Variants in NEURL1 observed in about 807,000 individuals in gnomAD.
The protein encoded by NEURL1 is neuralized E3 ubiquitin protein ligase 1, also known as E3 ubiquitin-protein ligase NEURL1.
NEURL1 carries 26 observed loss-of-function variants against 41.2 expected under a neutral mutation model. That is an observed-to-expected ratio of 0.63 (90% confidence interval 0.46 to 0.87). The LOEUF (loss-of-function observed/expected upper bound fraction) is 0.87. NEURL1 is among the 40% of genes least tolerant of loss of function. NEURL1 has a pLI of 0.00. For missense variants in NEURL1, 761 were observed against 871.1 expected, an observed-to-expected ratio of 0.87 and a Z score of 1.59; for synonymous variants, 400 against 402.3, an observed-to-expected ratio of 0.99 and a Z score of 0.07.
chr10:103,500,879 A>G (rs2033807504), intron 1 of NEURL1, among the ~76,000 whole-genome samples: 1 of 152,166 alleles, frequency 6.6e-6, no homozygotes, highest in African/African-American at 2.4e-5. Context: ...AGGGTCCTCA[A>G]GATCTGAGAA....
intron 1 of NEURL1, among the ~76,000 whole-genome samples, chr10:103,548,718 C>T (rs766172984): frequency 3.3e-5 from 5 of 152,198 alleles, no homozygotes; most frequent in Admixed American, 6.5e-5. Flanking sequence ...CGTGGATTCC[C>T]GAGTTCTCTG....
intron 3 of NEURL1, among the ~76,000 whole-genome samples, chr10:103,573,595 C>T (rs1431017305): frequency 3.3e-5 from 5 of 152,250 alleles, no homozygotes; most frequent in South Asian, 2.1e-4. Context: ...GGAGTCCCAG[C>T]GCTTGAGTTT....
rs899916272 is a variant in NEURL1 at position 103,590,549 on chromosome 10, G to A, written c.*177G>A. The A allele has an allele frequency of 9.4e-5, 57 of 607,462 alleles. No homozygotes were observed. Among genetic ancestry groups the A allele is most frequent in the African/African-American group, 7.8e-4 (42 of 54,094 alleles). The allele number at this position is 607,462 out of a possible 1,614,324, so 37.6% of individuals were successfully genotyped here. ...GGGAGAGGGGGGTATCAGGCAGGGAGGGGGCAGAGGCAAATCACCGGGCAG... is the reference window on the plus strand; with the variant it reads ...GGGAGAGGGGGGTATCAGGCAGGGAAGGGGCAGAGGCAAATCACCGGGCAG... On this transcript the variant is annotated 3_prime_UTR_variant, in exon 6 of 6. Coordinates refer to ENST00000369780, the MANE Select transcript of NEURL1 (RefSeq NM_004210.5).
At chr10:103,504,346 T>C (rs1564803216) in intron 1 of NEURL1, among the ~76,000 whole-genome samples, 2 of 152,172 alleles carry the variant, frequency 1.3e-5, no homozygotes, top group Non-Finnish European at 2.9e-5. Context: ...TCTCACACTT[T>C]CCTTGCTTTT....
At chr10:103,553,144 T>C (rs1288947957) in intron 1 of NEURL1, among the ~76,000 whole-genome samples, 1 of 152,132 alleles carries the variant, frequency 6.6e-6, no homozygotes, top group African/African-American at 2.4e-5. Flanking sequence ...AGGAACAGCC[T>C]CCAAAGCATC....
chr10:103,588,835 A>G lies in NEURL1; in HGVS notation c.1340-679A>G, dbSNP rs1382588216. On this transcript the variant is annotated intron_variant, in intron 4 of 5. Coordinates refer to ENST00000369780, the MANE Select transcript of NEURL1 (RefSeq NM_004210.5). The stretch of plus-strand genomic sequence containing the variant: ...GTGGCATGTGCCTATGATCCCAACT[A>G]CTCAGGAGGCTGAGGCAGGAGAATC... The G allele has an allele frequency of 1.1e-5, 5 of 447,502 alleles. No homozygotes were observed. In the Admixed American group the frequency reaches 1.2e-4, roughly 11 times the overall value. The allele number at this position is 447,502 out of a possible 1,614,324, so 27.7% of individuals were successfully genotyped here.
intron 1 of NEURL1, among the ~76,000 whole-genome samples, chr10:103,514,330 TCTGCCCA>T (rs982169383): frequency 2.6e-5 from 4 of 152,108 alleles, no homozygotes; most frequent in Non-Finnish European, 5.9e-5. Context: ...GACCTTGTGA[TCTGCCCA>T]CCTCGGCCTT....
At chr10:103,538,255 G>A (rs545201077) in intron 1 of NEURL1, among the ~76,000 whole-genome samples, 3 of 151,550 alleles carry the variant, frequency 2.0e-5, no homozygotes, top group Admixed American at 1.3e-4. Context: ...CTACCACGCC[G>A]GGCTTAATTT....
intron 1 of NEURL1, among the ~76,000 whole-genome samples, chr10:103,567,618 C>G (rs1002381387): frequency 1.2e-4 from 19 of 152,048 alleles, no homozygotes; most frequent in African/African-American, 4.6e-4. Flanking sequence ...AGCCGGTCTC[C>G]AACTCCTAGG....
At chr10:103,520,546 T>G (rs899758086) in intron 1 of NEURL1, among the ~76,000 whole-genome samples, 2 of 152,226 alleles carry the variant, frequency 1.3e-5, no homozygotes, top group African/African-American at 4.8e-5. Context: ...CCATTTTGAC[T>G]TCTTTTGTGA....
rs2035105564 is a variant in NEURL1 at position 103,554,544 on chromosome 10, T to G, written c.86-16328T>G. On this transcript the variant is annotated intron_variant, in intron 1 of 5. Coordinates refer to ENST00000369780, the MANE Select transcript of NEURL1 (RefSeq NM_004210.5). ...GCCTGGATTCTGGTGCTGCACTGCCTGGGTTTGCATTCCAGCCTTGCCACC... is the reference window on the plus strand; with the variant it reads ...GCCTGGATTCTGGTGCTGCACTGCCGGGGTTTGCATTCCAGCCTTGCCACC... Among the ~76,000 whole-genome samples the G allele has an allele frequency of 2.0e-5, 3 of 152,208 alleles. No individual in the cohort carries two copies. In the South Asian group the frequency reaches 6.2e-4, roughly 31 times the overall value.
chr10:103,518,053 C>A (rs2034257844), intron 1 of NEURL1, among the ~76,000 whole-genome samples: 1 of 152,172 alleles, frequency 6.6e-6, no homozygotes, highest in South Asian at 2.1e-4. Flanking sequence ...CAGTCAATTT[C>A]CTAGACTGAA....
intron 3 of NEURL1, among the ~76,000 whole-genome samples, chr10:103,583,705 CAAAA>C (rs1228630032): frequency 1.1e-3 from 21 of 19,552 alleles, no homozygotes; most frequent in South Asian, 5.6e-3. Flanking sequence ...GATCCTGTCT[CAAAA>C]AAAAAAAAAA....
At chr10:103,529,322 G>A (rs1373927589) in intron 1 of NEURL1, among the ~76,000 whole-genome samples, 1 of 152,142 alleles carries the variant, frequency 6.6e-6, no homozygotes, top group Non-Finnish European at 1.5e-5. Flanking sequence ...CCGAGCCATG[G>A]GTTTGTGACT....
chr10:103,521,778 C>G (rs1435776688), intron 1 of NEURL1, among the ~76,000 whole-genome samples: 1 of 152,134 alleles, frequency 6.6e-6, no homozygotes, highest in African/African-American at 2.4e-5. Context: ...AGGAGAAAAA[C>G]TGGCCATAAG....
chr10:103,556,388 C>T lies in NEURL1; in HGVS notation c.86-14484C>T, dbSNP rs941418154. Among the ~76,000 whole-genome samples the T allele has an allele frequency of 6.6e-6, 1 of 152,120 alleles. No homozygotes were observed. The highest frequency in any genetic ancestry group is 2.4e-5 in the African/African-American group (1 of 41,420). On this transcript the variant is annotated intron_variant, in intron 1 of 5. Transcript: ENST00000369780. This position sits in a 1 kb window ranked among gnomAD's most constrained non-coding sequence, Gnocchi z 4.4. Reference sequence around the variant, plus strand: ...TAGGCTGACCTTGGGGAGTCCCTGACGCACTCCCCTATGTACCCTGCTCCC... The same window carrying T: ...TAGGCTGACCTTGGGGAGTCCCTGATGCACTCCCCTATGTACCCTGCTCCC...
At chr10:103,555,502 T>C in intron 1 of NEURL1, 1 of 1,144,668 alleles carries the variant, frequency 8.7e-7, no homozygotes, top group Non-Finnish European at 1.2e-6. Flanking sequence ...GGCTGAGGGC[T>C]TGGTCATGCC....
chr10:103,543,641 G>A (rs7894798), intron 1 of NEURL1, among the ~76,000 whole-genome samples: 37,122 of 152,214 alleles, frequency 0.24, 5,632 homozygotes, highest in African/African-American at 0.42. Flanking sequence ...TATGGGAAGG[G>A]CCTCCTGCCA....
rs1197987685 is a variant in NEURL1, at chr10:103,590,137, C to T, written c.1490C>T (p.Thr497Ile). Residue 497 changes from threonine (T) to isoleucine (I), a missense_variant, in exon 6 of 6, where the codon ACA (threonine) becomes ATA (isoleucine). Transcript: ENST00000369780. The part of the protein sequence containing the change: ...SGPLGSSAGG[T>I]APNSPVSLPE... ...ACTGGTGCCCCCTTGTCCTCAGGGA[C>T]AGCCCCCAATTCGCCAGTGAGCCTG... is the stretch of plus-strand genomic sequence containing the variant. 1.2e-6 allele frequency: 2 copies of T among 1,613,500 alleles called. No homozygotes were observed. Among genetic ancestry groups the T allele is most frequent in the Non-Finnish European group, 1.7e-6 (2 of 1,180,020 alleles).
Sources: allele counts gnomAD v4.1 joint callset (sites outside exome capture counted in the v4.1 genomes callset), GRCh38; gene constraint gnomAD v4.1.1; non-coding constraint Gnocchi (gnomAD v3.1); transcripts MANE v1.5; gene names NCBI Gene and HGNC (gene_info 2026-07-23, HGNC 2026-07-21).